KASH5: variants seen among roughly 807,000 people sequenced by gnomAD.
KASH5 encodes the protein protein KASH5.
A neutral mutation model predicts 84.2 loss-of-function variants in KASH5; 72 were observed. That is an observed-to-expected ratio of 0.85 (90% CI 0.71 to 1.04). KASH5 has a LOEUF of 1.04. Among genes scored for constraint, KASH5 ranks in the 50% least tolerant of loss-of-function variants. The pLI is 0.00. For missense variants in KASH5, 650 were observed against 701.0 expected (o/e 0.93, Z 0.82); for synonymous variants, 260 against 279.1 (o/e 0.93, Z 0.68).
At chr19:49,390,655 G>A (rs1004087029) in intron 1 of KASH5, 134 bp from the exon 2 acceptor site, 24 of 436,306 alleles carry the variant, frequency 5.5e-5, no homozygotes, top group Admixed American at 2.7e-4. Flanking sequence ...AGGTCAGAGC[G>A]GAGCTGCTCA....
intron 12 of KASH5, 99 bp downstream of exon 12, chr19:49,407,770 G>A: frequency 8.4e-7 from 1 of 1,186,268 alleles, no homozygotes. Context: ...CTTTGTCAGT[G>A]GCCACATCTT....
At chr19:49,394,675 C>A (rs1974116815) in intron 3 of KASH5, 95 bp downstream of exon 3, 2 of 936,010 alleles carry the variant, frequency 2.1e-6, no homozygotes, top group East Asian at 4.8e-5. Context: ...TGGGCTAAGG[C>A]CCCCTCTTGG....
intron 3 of KASH5, 111 bp downstream of exon 3, chr19:49,394,691 T>G: frequency 1.2e-6 from 1 of 803,330 alleles, no homozygotes; most frequent in South Asian, 1.5e-5. Context: ...CTTGGGGGTA[T>G]TGTAAGAACA....
chr19:49,388,692 CAAAA>C (rs947198504), intron 1 of KASH5, among the ~76,000 whole-genome samples: 2 of 88,202 alleles, frequency 2.3e-5, no homozygotes, highest in Admixed American at 1.3e-4. Flanking sequence ...GACTCCGTCT[CAAAA>C]AAAAAAAAAA....
chr19:49,409,635 A>C, intron 14 of KASH5, 118 bp from the exon 15 acceptor site: 2 of 1,281,006 alleles, frequency 1.6e-6, no homozygotes, highest in South Asian at 1.3e-5. Context: ...GCCCCACACC[A>C]GCCCTTTTCT....
At chr19:49,400,940 G>T (rs891651848) in intron 9 of KASH5, among the ~76,000 whole-genome samples, 2 of 152,160 alleles carry the variant, frequency 1.3e-5, no homozygotes, top group African/African-American at 4.8e-5. Context: ...CGACCTCAAG[G>T]TGGTATCTAA....
rs190267410 is a variant in KASH5 at position 49,416,256 on chromosome 19, G to C, written c.1375-759G>C. On this transcript the variant is annotated intron_variant, in intron 17 of 19. Transcript: ENST00000447857. This position sits in a 1 kb window ranked among gnomAD's most constrained non-coding sequence, Gnocchi z 5.4. ...TCGCCAGGCTGGAGTGCAGTGGTGC[G>C]ATCTCGGCTCACTGCAAGCTCCACC... Among the ~76,000 whole-genome samples, 5 of 152,244 alleles carry C rather than the reference G, an allele frequency of 3.3e-5. No homozygotes were observed. Among genetic ancestry groups the C allele is most frequent in the Admixed American group, 3.3e-4 (5 of 15,294 alleles).
At chr19:49,389,385 G>A (rs1309733104) in intron 1 of KASH5, among the ~76,000 whole-genome samples, 1 of 151,106 alleles carries the variant, frequency 6.6e-6, no homozygotes, top group Non-Finnish European at 1.5e-5. Context: ...AGCCCGCCAA[G>A]GCCCACACCA....
chr19:49,397,854 A>T, intron 6 of KASH5, 128 bp from the exon 7 acceptor site: 1 of 1,425,382 alleles, frequency 7.0e-7, no homozygotes, highest in South Asian at 1.2e-5. Context: ...CAGGGAGAGC[A>T]GAGGAGTCTC....
Position 49,399,699 on chromosome 19 carries a change from G to T in KASH5, c.798+192G>T. The T allele has an allele frequency of 6.9e-7, 1 of 1,452,400 alleles. No individual in the cohort carries two copies. Among genetic ancestry groups the T allele is most frequent in the Non-Finnish European group, 9.1e-7 (1 of 1,098,830 alleles). The allele number at this position is 1,452,400 out of a possible 1,614,324, so 90.0% of individuals were successfully genotyped here. On this transcript the variant is annotated intron_variant, in intron 9 of 19. Transcript: ENST00000447857. The surrounding 1 kb of genome is among the most constrained non-coding windows in gnomAD (Gnocchi z 4.4). ...TGGTTTACAAGAGTGTGAGGCATGGGGTCAGCCTACATGGCTTCAGGCTGA... is the reference window on the plus strand; with the variant it reads ...TGGTTTACAAGAGTGTGAGGCATGGTGTCAGCCTACATGGCTTCAGGCTGA...
chr19:49,401,301 G>A lies in KASH5; in HGVS notation c.798+1794G>A, dbSNP rs188443450. Among the ~76,000 whole-genome samples, 11 of 152,242 alleles carry A rather than the reference G, an allele frequency of 7.2e-5. No homozygotes were observed. The East Asian group carries it at 2.1e-3, about 29-fold the overall frequency. On this transcript the variant is annotated intron_variant, in intron 9 of 19. Transcript: ENST00000447857. ...CCAGGCCAGGGTGGGTGCTCATGGTGGGGAGATGTGGCTTCTCTGGGGAAA... is the reference window on the plus strand; with the variant it reads ...CCAGGCCAGGGTGGGTGCTCATGGTAGGGAGATGTGGCTTCTCTGGGGAAA...
chr19:49,390,505 G>A (rs959101746), intron 1 of KASH5, among the ~76,000 whole-genome samples: 1 of 152,126 alleles, frequency 6.6e-6, no homozygotes, highest in African/African-American at 2.4e-5. Flanking sequence ...CTGGGACAAA[G>A]GCCAGGGAAG....
chr19:49,405,456 CAAAAAAA>C (rs58604196), intron 9 of KASH5, among the ~76,000 whole-genome samples: 27,509 of 90,426 alleles, frequency 0.3, 2,970 homozygotes, highest in Non-Finnish European at 0.36. Flanking sequence ...AAACTCCTCT[CAAAAAAA>C]AAAAAAAAAA....
rs970682803 is a variant in KASH5 at position 49,414,691 on chromosome 19, T to A, written c.1329-260T>A. Among the ~76,000 whole-genome samples, 1 of 148,068 alleles carries A rather than the reference T, an allele frequency of 6.8e-6. No individual in the cohort carries two copies. Among genetic ancestry groups the A allele is most frequent in the Non-Finnish European group, 1.5e-5 (1 of 67,792 alleles). On this transcript the variant is annotated intron_variant, in intron 16 of 19. Transcript: ENST00000447857. The surrounding 1 kb of genome is among the most constrained non-coding windows in gnomAD (Gnocchi z 4.5). ...GCAGGACACCCCCCAGGCCCGTCCG[T>A]GCTGCCTGGCCTCCCCCAGGCCCGT... is the stretch of plus-strand genomic sequence containing the variant.
At chr19:49,403,058 G>A (rs1210722901) in intron 9 of KASH5, among the ~76,000 whole-genome samples, 1 of 152,040 alleles carries the variant, frequency 6.6e-6, no homozygotes, top group Admixed American at 6.6e-5. Flanking sequence ...GAAAACGTGG[G>A]GCAAAGGGGA....
At position 49,394,520 on chromosome 19, in the gene KASH5, G is replaced by A; in HGVS notation, c.88G>A (p.Val30Ile). Residue 30 changes from valine (V) to isoleucine (I), a missense_variant, in exon 3 of 20, where the codon GTC becomes ATC. By Grantham distance (29) the Val-to-Ile change is conservative. Coordinates refer to ENST00000447857, the MANE Select transcript of KASH5 (RefSeq NM_144688.5). The part of the protein sequence containing the change: ...RPEEARLGMP[V>I]SLEEQILNST... ...TGAGGAGGCAAGGCTGGGAATGCCG[G>A]TCAGCTTGGAGGAGCAAATACTCAA... 2 of 1,613,834 alleles carry A rather than the reference G, an allele frequency of 1.2e-6. No individual in the cohort carries two copies. The highest frequency in any genetic ancestry group is 1.7e-6 in the Non-Finnish European group (2 of 1,179,872).
rs1487446473 is a variant in KASH5, at chr19:49,397,686, A to C, written c.436A>C (p.Ser146Arg). The C allele has an allele frequency of 6.2e-7, 1 of 1,613,618 alleles. No individual in the cohort carries two copies. The highest frequency in any genetic ancestry group is 1.1e-5 in the South Asian group (1 of 91,064). Residue 146 changes from serine (S) to arginine (R), a missense_variant, in exon 6 of 20, where the codon AGC becomes CGC. By Grantham distance (110) the Ser-to-Arg change is moderately radical. Transcript: ENST00000447857. ...PEAEEPANLESFGGEDPRPEL... is the reference protein window; with the variant it reads ...PEAEEPANLERFGGEDPRPEL... ...AGCTGAGGAGCCAGCCAACCTGGAG[A>C]GCTTCGGAGGCGAAGACCCCAGACC...
chr19:49,407,253 A>C lies in KASH5; in HGVS notation c.890A>C (p.Glu297Ala). The C allele has an allele frequency of 6.2e-7, 1 of 1,613,758 alleles. No homozygotes were observed. The highest frequency in any genetic ancestry group is 1.7e-5 in the Admixed American group (1 of 59,998). Residue 297 changes from glutamate to alanine, a missense_variant, in exon 11 of 20, where the codon GAG (glutamate) becomes GCG (alanine). By Grantham distance (107) the Glu-to-Ala change is moderately radical. Coordinates refer to ENST00000447857, the MANE Select transcript of KASH5 (RefSeq NM_144688.5). The stretch of plus-strand genomic sequence containing the variant: ...CTTTCTTGGCAGCGGCAGCTCTTTG[A>C]GTGTGAACACCTCATTTGCCAAAGA... ...EKDTLKRQLF[E>A]CEHLICQRDT...
chr19:49,414,935 C>T lies in KASH5; in HGVS notation c.1329-16C>T, dbSNP rs772824975. 1 of 1,611,350 alleles carries T rather than the reference C, an allele frequency of 6.2e-7. No individual in the cohort carries two copies. Among genetic ancestry groups the T allele is most frequent in the East Asian group, 2.2e-5 (1 of 44,810 alleles). On this transcript the variant is annotated splice_polypyrimidine_tract_variant and intron_variant, in intron 16 of 19. Transcript: ENST00000447857. This position sits in a 1 kb window ranked among gnomAD's most constrained non-coding sequence, Gnocchi z 4.5. ...GAGAAGAGGACGAAGCCAGCAGTGA[C>T]TTTGTTGGCCCTCAGGTTGACCAGA...
Sources: gnomAD v4.1 joint callset for allele counts (sites outside exome capture counted in the v4.1 genomes callset) on GRCh38, gnomAD v4.1.1 for gene constraint, Gnocchi (gnomAD v3.1) non-coding constraint, MANE v1.5 for transcripts, NCBI Gene and HGNC (gene_info 2026-07-23, HGNC 2026-07-21) for gene names.